PAK4: variants seen among roughly 807,000 people sequenced by gnomAD.
The protein encoded by PAK4 is serine/threonine-protein kinase PAK 4.
Under a neutral mutation model 53.5 loss-of-function variants are expected in PAK4, and 49 were observed. That is an observed-to-expected ratio of 0.92 (90% CI 0.73 to 1.16). The LOEUF is 1.16. PAK4 is among the 50% of genes most tolerant of loss of function. PAK4 has a pLI of 0.00. For synonymous variants in PAK4, 376 were observed against 375.6 expected (o/e 1.00, Z -0.01); for missense variants, 824 against 850.7 (o/e 0.97, Z 0.39).
intron 2 of PAK4, among the ~76,000 whole-genome samples, 169 bp from the exon 4 acceptor site, chr19:39,172,749 G>A (rs971990776): frequency 6.6e-6 from 1 of 152,102 alleles, no homozygotes; most frequent in Non-Finnish European, 1.5e-5. Context: ...TGTCCCCAGG[G>A]AGGGGAGGGG....
intron 1 of PAK4, among the ~76,000 whole-genome samples, chr19:39,153,875 G>A (rs2074134262): frequency 6.6e-6 from 1 of 152,100 alleles, no homozygotes; most frequent in Non-Finnish European, 1.5e-5. Flanking sequence ...GAGCCACCGT[G>A]CCCAGTCCAA....
intron 1 of PAK4, among the ~76,000 whole-genome samples, chr19:39,141,089 A>G (rs1220022410): frequency 6.6e-6 from 1 of 152,206 alleles, no homozygotes; most frequent in African/African-American, 2.4e-5. Context: ...ACACCTTTGT[A>G]TTATGGAAAT....
chr19:39,146,347 C>T (rs2073999062), intron 1 of PAK4, among the ~76,000 whole-genome samples: 1 of 152,090 alleles, frequency 6.6e-6, no homozygotes, highest in African/African-American at 2.4e-5. Flanking sequence ...AGGAAGGCCT[C>T]CTGGAGGAGG....
chr19:39,173,860 C>T lies in PAK4; in HGVS notation c.948C>T (p.Asp316=), dbSNP rs201587224. Residue 316 remains aspartate (D), a synonymous_variant, in exon 4 of 9, where the codon GAC becomes GAT. Transcript: ENST00000358301. The surrounding 1 kb of genome is among the most constrained non-coding windows in gnomAD (Gnocchi z 6.9). ...TGCAGCTGGTGGTGGACCCAGGCGA[C>T]CCCCGCTCCTACCTGGACAACTTCA... 6.2e-6 allele frequency: 10 copies of T among 1,612,734 alleles called. No homozygotes were observed. Among genetic ancestry groups the T allele is most frequent in the African/African-American group, 1.3e-5 (1 of 75,016 alleles).
At chr19:39,170,499 G>GTGGCCTGGCATGAGGC (rs1169882629) in intron 2 of PAK4, among the ~76,000 whole-genome samples, 1 of 152,228 alleles carries the variant, frequency 6.6e-6, no homozygotes, top group Non-Finnish European at 1.5e-5. Flanking sequence ...GTGTCTGGGT[G>GTGGCCTGGCATGAGGC]TGGCCTGGCA....
At chr19:39,150,168 C>G (rs964298101) in intron 1 of PAK4, among the ~76,000 whole-genome samples, 3 of 92,168 alleles carry the variant, frequency 3.3e-5, no homozygotes, top group African/African-American at 1.3e-4. Context: ...AGTTCTCTGT[C>G]CTGTTCCGCT....
At chr19:39,126,569 T>C (rs2073586529) in intron 1 of PAK4, among the ~76,000 whole-genome samples, 1 of 152,008 alleles carries the variant, frequency 6.6e-6, no homozygotes, top group Non-Finnish European at 1.5e-5. Flanking sequence ...TTTAACGCTT[T>C]ACTTGTATGA....
At chr19:39,153,040 T>C (rs978173579) in intron 1 of PAK4, among the ~76,000 whole-genome samples, 10 of 152,110 alleles carry the variant, frequency 6.6e-5, no homozygotes, top group African/African-American at 2.4e-4. Flanking sequence ...CGAGGGAGAA[T>C]TGTATAGATA....
chr19:39,138,728 G>A (rs1192014205), intron 1 of PAK4, among the ~76,000 whole-genome samples: 3 of 152,212 alleles, frequency 2.0e-5, no homozygotes, highest in African/African-American at 7.2e-5. Flanking sequence ...CGGGCAGGGT[G>A]CCCAGAAAGG....
At chr19:39,172,957 C>A (rs1438969944) in exon 3 of PAK4, 1 of 1,545,816 alleles carries the variant, frequency 6.5e-7, no homozygotes, top group Non-Finnish European at 8.7e-7. Context: ...AGATGGGGCC[C>A]TCACGCTGCT....
At chr19:39,177,071 T>A (rs978848081) in intron 7 of PAK4, among the ~76,000 whole-genome samples, 1 of 152,160 alleles carries the variant, frequency 6.6e-6, no homozygotes, top group African/African-American at 2.4e-5. Context: ...TTCACCATGT[T>A]GGCCAGGTTG....
At chr19:39,136,945 G>T (rs1194331718) in intron 1 of PAK4, among the ~76,000 whole-genome samples, 1 of 152,204 alleles carries the variant, frequency 6.6e-6, no homozygotes, top group Non-Finnish European at 1.5e-5. Flanking sequence ...TCCCGGCGGG[G>T]GAGTGCAGGG....
intron 1 of PAK4, among the ~76,000 whole-genome samples, chr19:39,153,683 C>A (rs2074130853): frequency 6.6e-6 from 1 of 152,172 alleles, no homozygotes; most frequent in African/African-American, 2.4e-5. Flanking sequence ...CTCAGGCGAT[C>A]CACTCGCCTT....
intron 1 of PAK4, among the ~76,000 whole-genome samples, chr19:39,133,939 G>T (rs374653569): frequency 6.6e-6 from 1 of 152,038 alleles, no homozygotes; most frequent in African/African-American, 2.4e-5. Flanking sequence ...GTCAGCACTG[G>T]CCATGGGGAG....
chr19:39,144,035 C>T (rs1411883443), intron 1 of PAK4, among the ~76,000 whole-genome samples: 1 of 151,670 alleles, frequency 6.6e-6, no homozygotes, highest in South Asian at 2.1e-4. Context: ...GGTGACAGAG[C>T]AAAACCTATG....
chr19:39,159,658 G>T (rs936299432), intron 1 of PAK4, among the ~76,000 whole-genome samples: 1 of 152,222 alleles, frequency 6.6e-6, no homozygotes, highest in Non-Finnish European at 1.5e-5. Flanking sequence ...AAAGTGCTGG[G>T]ATTACAGGCA....
chr19:39,148,734 C>T (rs374979183), intron 1 of PAK4, among the ~76,000 whole-genome samples: 9 of 150,580 alleles, frequency 6.0e-5, no homozygotes, highest in East Asian at 5.8e-4. Flanking sequence ...GGATTACAGG[C>T]GTGAGCCACC....
At chr19:39,144,174 A>ATAGATAGATTAGAT (rs2073962448) in intron 1 of PAK4, among the ~76,000 whole-genome samples, 3 of 70,324 alleles carry the variant, frequency 4.3e-5, no homozygotes, top group Non-Finnish European at 8.8e-5. Flanking sequence ...GATTAGATAG[A>ATAGATAGATTAGAT]TAGATAGATA....
intron 1 of PAK4, among the ~76,000 whole-genome samples, chr19:39,169,221 A>C (rs2074429184): frequency 6.7e-6 from 1 of 150,280 alleles, no homozygotes; most frequent in Admixed American, 6.6e-5. Flanking sequence ...CAGAGGGGCC[A>C]GCCCGTGCAA....
Sources: gnomAD v4.1 joint callset for allele counts (sites outside exome capture counted in the v4.1 genomes callset) on GRCh38, gnomAD v4.1.1 for gene constraint, Gnocchi (gnomAD v3.1) non-coding constraint, MANE v1.5 for transcripts, NCBI Gene and HGNC (gene_info 2026-07-23, HGNC 2026-07-21) for gene names.